MORC1: variants seen among roughly 807,000 people sequenced by gnomAD.
The protein encoded by MORC1 is MORC family CW-type zinc finger 1.
A neutral mutation model predicts 134.9 loss-of-function variants in MORC1; 59 were observed. The observed-to-expected ratio is 0.44, with a 90% CI of 0.35 to 0.54. The LOEUF (loss-of-function observed/expected upper bound fraction) is 0.54, where lower values mean the gene tolerates loss of function less well. Ranked by LOEUF, MORC1 falls within the 20% of genes least tolerant of loss-of-function variation. MORC1 has a pLI of 0.00. For missense variants in MORC1, 947 were observed against 1,134.5 expected (o/e 0.83, Z 2.37); for synonymous variants, 395 against 391.7 (o/e 1.01, Z -0.10).
At chr3:109,006,924 T>C (rs1948553453) in intron 18 of MORC1, 105 bp downstream of exon 18, 1 of 744,782 alleles carries the variant, frequency 1.3e-6, no homozygotes, top group Non-Finnish European at 2.1e-6. Context: ...AGTGCTTCAC[T>C]ATGTGAACCT....
Position 108,988,143 on chromosome 3 carries a change from T to C in MORC1, c.2188-1194A>G, listed in dbSNP as rs147932911. ...TTTCCCCTCCCAGGAAATAAAGGAG[T>C]ATTTTTACGTAGCATTCTGGAAACT... On this transcript the variant is annotated intron_variant, in intron 21 of 27. Coordinates refer to ENST00000232603, the MANE Select transcript of MORC1 (RefSeq NM_014429.4). Among the ~76,000 whole-genome samples the C allele has an allele frequency of 9.1e-3, 1,374 of 151,784 alleles. 13 individuals carry two copies. The highest frequency in any genetic ancestry group is 0.024 in the South Asian group (115 of 4,798).
rs898367607 is a variant in MORC1 at position 108,959,008 on chromosome 3, T to C, written c.2912A>G (p.His971Arg). ...NLNKVTIDARHRLPLEKNEKT... is the reference protein window; with the variant it reads ...NLNKVTIDARRRLPLEKNEKT... ...TTCATTTTTTTCTAAAGGGAGTCTA[T>C]GTCTTGCATCTATAGTTACTTTATT... The change falls in exon 28 of 28, where the codon CAT becomes CGT. Residue 971 changes from histidine (H) to arginine (R), a missense_variant. This residue lies in a region of MORC1 where 722 missense variants were observed against 817.0 expected (regional missense o/e 0.88). Transcript: ENST00000232603. 6.5e-6 allele frequency: 10 copies of C among 1,539,586 alleles called. No individual in the cohort carries two copies. Among genetic ancestry groups the C allele is most frequent in the Non-Finnish European group, 8.7e-6 (10 of 1,145,012 alleles).
At chr3:108,968,805 C>G (rs563060068) in intron 26 of MORC1, among the ~76,000 whole-genome samples, 1 of 152,146 alleles carries the variant, frequency 6.6e-6, no homozygotes, top group Non-Finnish European at 1.5e-5. Flanking sequence ...AAAGTGTCAA[C>G]AAAGACCCAA....
At chr3:109,061,707 T>C (rs1002331368) in intron 11 of MORC1, among the ~76,000 whole-genome samples, 1 of 152,190 alleles carries the variant, frequency 6.6e-6, no homozygotes, top group African/African-American at 2.4e-5. Context: ...TTCCTTTCCA[T>C]TTTAAAGAAA....
intron 2 of MORC1, 109 bp from the exon 3 acceptor site, chr3:109,110,892 C>T: frequency 4.1e-6 from 3 of 739,352 alleles, no homozygotes; most frequent in Non-Finnish European, 6.4e-6. Context: ...TAAATTGCTT[C>T]AAAATCAATT....
intron 8 of MORC1, among the ~76,000 whole-genome samples, chr3:109,074,508 T>G (rs1169334353): frequency 1.3e-5 from 2 of 152,190 alleles, no homozygotes; most frequent in Non-Finnish European, 2.9e-5. Flanking sequence ...GTTTGGAACT[T>G]GAAAGAGATT....
At chr3:109,067,850 A>G (rs1305274580) in intron 9 of MORC1, among the ~76,000 whole-genome samples, 2 of 152,134 alleles carry the variant, frequency 1.3e-5, no homozygotes, top group African/African-American at 2.4e-5. Flanking sequence ...AGAGATCTAT[A>G]ATTTTTAGTA....
chr3:109,094,183 G>A (rs1391235028), intron 7 of MORC1, among the ~76,000 whole-genome samples: 5 of 152,074 alleles, frequency 3.3e-5, no homozygotes, highest in African/African-American at 4.8e-5. Flanking sequence ...CATTTGACCC[G>A]AGACCATAAT....
intron 21 of MORC1, among the ~76,000 whole-genome samples, chr3:108,996,286 G>GCGTGCGCACACACACACACACACA: frequency 6.8e-6 from 1 of 146,382 alleles, no homozygotes; most frequent in Non-Finnish European, 1.5e-5. Flanking sequence ...GCGCGCGCGC[G>GCGTGCGCACACACACACACACACA]CACACACACA....
intron 17 of MORC1, among the ~76,000 whole-genome samples, chr3:109,018,686 G>A (rs1948881405): frequency 6.6e-6 from 1 of 152,168 alleles, no homozygotes; most frequent in Admixed American, 6.5e-5. Flanking sequence ...GTAAAAACCA[G>A]AGCAAAGGGT....
chr3:108,986,848 A>C, intron 22 of MORC1, 32 bp downstream of exon 22: 2 of 1,340,776 alleles, frequency 1.5e-6, no homozygotes, highest in Non-Finnish European at 2.0e-6. Flanking sequence ...TATAGCTAAT[A>C]TATATATATA....
At chr3:109,059,194 C>T (rs986713304) in intron 12 of MORC1, among the ~76,000 whole-genome samples, 1 of 152,076 alleles carries the variant, frequency 6.6e-6, no homozygotes, top group Non-Finnish European at 1.5e-5. Context: ...AATAGTTTCA[C>T]AAAGGTATCA....
At chr3:109,088,057 C>T (rs543599572) in intron 8 of MORC1, among the ~76,000 whole-genome samples, 1 of 152,166 alleles carries the variant, frequency 6.6e-6, no homozygotes, top group South Asian at 2.1e-4. Context: ...CTTCCTTATA[C>T]CACATACAAA....
chr3:109,062,799 A>G (rs958929104), intron 10 of MORC1, among the ~76,000 whole-genome samples: 3 of 152,176 alleles, frequency 2.0e-5, no homozygotes, highest in Non-Finnish European at 4.4e-5. Context: ...TATGTTGCCC[A>G]GGCTGGTCTT....
chr3:108,988,875 C>G (rs1202228806), intron 21 of MORC1, among the ~76,000 whole-genome samples: 1 of 152,180 alleles, frequency 6.6e-6, no homozygotes, highest in Non-Finnish European at 1.5e-5. Flanking sequence ...GCTTTGAGCT[C>G]TAAAGGGCTG....
intron 22 of MORC1, among the ~76,000 whole-genome samples, chr3:108,985,820 C>G (rs559941037): frequency 6.6e-6 from 1 of 152,230 alleles, no homozygotes; most frequent in African/African-American, 2.4e-5. Context: ...CTTGAAGTCA[C>G]AGTAGTAGTT....
At chr3:109,113,311 C>G (rs995857787) in intron 2 of MORC1, among the ~76,000 whole-genome samples, 1 of 152,162 alleles carries the variant, frequency 6.6e-6, no homozygotes, top group Non-Finnish European at 1.5e-5. Context: ...TACTTCCCTC[C>G]CTTTTTATGA....
At chr3:109,013,312 A>T (rs1576631946) in intron 17 of MORC1, among the ~76,000 whole-genome samples, 1 of 152,264 alleles carries the variant, frequency 6.6e-6, no homozygotes, top group South Asian at 2.1e-4. Flanking sequence ...ATTTTCCAGG[A>T]CCAGCTCTTT....
At chr3:109,071,190 GCT>G (rs1950307907) in intron 8 of MORC1, among the ~76,000 whole-genome samples, 1 of 152,068 alleles carries the variant, frequency 6.6e-6, no homozygotes, top group African/African-American at 2.4e-5. Flanking sequence ...TGCTCTTGTA[GCT>G]CTTTCTTCTG....
Sources: allele counts gnomAD v4.1 joint callset (sites outside exome capture counted in the v4.1 genomes callset), GRCh38; gene constraint gnomAD v4.1.1; regional missense constraint gnomAD v4.1.1; transcripts MANE v1.5; gene names NCBI Gene and HGNC (gene_info 2026-07-23, HGNC 2026-07-21).